The following NRG4 variants were observed in gnomAD, a reference collection of about 807,000 sequenced individuals.
NRG4 encodes neuregulin 4.
In NRG4, 10 loss-of-function variants were observed where a neutral mutation model predicts 15.0. The observed-to-expected ratio is 0.67, with a 90% confidence interval of 0.41 to 1.13. NRG4 has a LOEUF of 1.13. Among genes scored for constraint, NRG4 ranks in the 50% most tolerant of loss-of-function variants. The pLI, the probability that NRG4 is intolerant of heterozygous loss-of-function variation, is 0.00. For synonymous variants in NRG4, 41 were observed against 50.1 expected (o/e 0.82, Z 0.77); for missense variants, 139 against 140.2 (o/e 0.99, Z 0.04).
At chr15:75,986,318 A>T (rs776658178) in intron 3 of NRG4, among the ~76,000 whole-genome samples, 1 of 152,196 alleles carries the variant, frequency 6.6e-6, no homozygotes, top group Non-Finnish European at 1.5e-5. Context: ...CCTTTGACCC[A>T]GCCAAATTCT....
At chr15:75,985,382 C>T (rs1044669639) in intron 3 of NRG4, among the ~76,000 whole-genome samples, 1 of 152,178 alleles carries the variant, frequency 6.6e-6, no homozygotes, top group Non-Finnish European at 1.5e-5. Context: ...AGCCTAATTC[C>T]TCTAGTAATG....
rs569360320 is a variant in NRG4 at position 76,039,790 on chromosome 15, C to T, written c.-104-3799G>A. Reference sequence around the variant, plus strand: ...GTGCGGTGGCTAACACCTGTAATCCCAGCACTTTGGGAGGCTAAAGCCTCC... The same window carrying T: ...GTGCGGTGGCTAACACCTGTAATCCTAGCACTTTGGGAGGCTAAAGCCTCC... On this transcript the variant is annotated intron_variant, in intron 4 of 8. Transcript: ENST00000563910. 2.0e-5 allele frequency among the ~76,000 whole-genome samples: 3 copies of T among 152,232 alleles called. No homozygotes were observed. The South Asian group carries it at 6.2e-4, about 32-fold the overall frequency.
At chr15:76,056,241 A>G (rs1174832812) in intron 2 of NRG4, among the ~76,000 whole-genome samples, 1 of 152,142 alleles carries the variant, frequency 6.6e-6, no homozygotes, top group Non-Finnish European at 1.5e-5. Context: ...TCAGGTCAGG[A>G]GTTCGAGACC....
At chr15:75,970,405 CTTTGT>C (rs1483895998) in intron 3 of NRG4, among the ~76,000 whole-genome samples, 4 of 152,182 alleles carry the variant, frequency 2.6e-5, no homozygotes, top group Admixed American at 6.5e-5. Flanking sequence ...AGATTTCAGT[CTTTGT>C]TTTATCACCT....
intron 4 of NRG4, among the ~76,000 whole-genome samples, chr15:76,041,373 G>A (rs187758917): frequency 2.5e-4 from 38 of 150,800 alleles, no homozygotes; most frequent in Admixed American, 2.0e-3. Context: ...TGGCTGAATG[G>A]ATAAGAAAAC....
chr15:76,055,031 G>T (rs888105692), intron 2 of NRG4, among the ~76,000 whole-genome samples: 1 of 115,672 alleles, frequency 8.6e-6, no homozygotes, highest in African/African-American at 2.7e-5. Context: ...TATAATCCCA[G>T]CACTTTGGGA....
chr15:75,961,192 A>G lies in NRG4; in HGVS notation c.251+636T>C, dbSNP rs143135340. The stretch of plus-strand genomic sequence containing the variant: ...ATAACTCCTGGACTTACTAAATTCT[A>G]TATTTACTTTTACAAAATTTCAAAA... On this transcript the variant is annotated intron_variant, in intron 4 of 5. Coordinates refer to ENST00000394907, the MANE Select transcript of NRG4 (RefSeq NM_138573.4). 5.4e-3 allele frequency among the ~76,000 whole-genome samples: 817 copies of G among 152,276 alleles called. 10 individuals are homozygous for G. Among genetic ancestry groups the G allele is most frequent in the African/African-American group, 0.019 (774 of 41,556 alleles).
At chr15:75,998,156 A>T (rs1447733202) in intron 3 of NRG4, among the ~76,000 whole-genome samples, 1 of 152,216 alleles carries the variant, frequency 6.6e-6, no homozygotes, top group East Asian at 1.9e-4. Flanking sequence ...CACTCAACAG[A>T]TACTTACCGA....
intron 3 of NRG4, among the ~76,000 whole-genome samples, chr15:75,979,639 ATCAT>A (rs1206183341): frequency 6.6e-6 from 1 of 152,184 alleles, no homozygotes; most frequent in East Asian, 1.9e-4. Context: ...GTAAACAATG[ATCAT>A]TCATTGTTCA....
At chr15:76,002,259 T>C (rs1382960465) in intron 3 of NRG4, among the ~76,000 whole-genome samples, 2 of 152,118 alleles carry the variant, frequency 1.3e-5, no homozygotes, top group South Asian at 2.1e-4. Context: ...ACGTACTAAT[T>C]GAGGGTAGAC....
intron 3 of NRG4, among the ~76,000 whole-genome samples, chr15:75,965,716 T>C (rs1435819043): frequency 2.0e-5 from 3 of 152,240 alleles, no homozygotes; most frequent in Non-Finnish European, 4.4e-5. Context: ...TATGACTTCA[T>C]TGATGATACA....
Position 76,044,142 on chromosome 15 carries a change from C to A in NRG4, c.-105+7925G>T, listed in dbSNP as rs1043588160. Among the ~76,000 whole-genome samples, 4 of 151,506 alleles carry A rather than the reference C, an allele frequency of 2.6e-5. No individual in the cohort carries two copies. In the East Asian group the frequency reaches 7.7e-4, roughly 29 times the overall value. On this transcript the variant is annotated intron_variant, in intron 4 of 8. Coordinates refer to the NRG4 transcript ENST00000563910. The stretch of plus-strand genomic sequence containing the variant: ...CCTCCCGAGTAGCTGGGACTACAAG[C>A]GCCCGCCACCGCGCCCGGCTAATTT...
At chr15:75,989,031 A>AT (rs1019587875) in intron 3 of NRG4, among the ~76,000 whole-genome samples, 3 of 151,380 alleles carry the variant, frequency 2.0e-5, no homozygotes, top group African/African-American at 7.3e-5. Context: ...TAATTTTTAA[A>AT]TTTTTTTGTA....
chr15:75,991,244 A>G (rs557755134), intron 3 of NRG4, among the ~76,000 whole-genome samples: 9 of 152,350 alleles, frequency 5.9e-5, no homozygotes, highest in African/African-American at 1.9e-4. Flanking sequence ...GTGTGAAAGC[A>G]GGCATTGATG....
chr15:76,040,953 A>G (rs1474439148), intron 4 of NRG4, among the ~76,000 whole-genome samples: 1 of 152,210 alleles, frequency 6.6e-6, no homozygotes, highest in African/African-American at 2.4e-5. Context: ...TAACTACAAC[A>G]ACTTTTCAAA....
At chr15:75,944,842 T>C (rs1455343307) in intron 5 of NRG4, among the ~76,000 whole-genome samples, 2 of 152,098 alleles carry the variant, frequency 1.3e-5, no homozygotes, top group African/African-American at 4.8e-5. Context: ...GAAAAAACGG[T>C]CAAATGAACT....
intron 3 of NRG4, among the ~76,000 whole-genome samples, chr15:75,982,643 A>G (rs79511792): frequency 0.017 from 2,542 of 152,346 alleles, 68 homozygotes; most frequent in African/African-American, 0.057. Context: ...AGGAAGTACA[A>G]GTAAATTCCT....
intron 4 of NRG4, among the ~76,000 whole-genome samples, chr15:76,036,731 A>G (rs1261431306): frequency 6.6e-6 from 1 of 152,202 alleles, no homozygotes; most frequent in Admixed American, 6.5e-5. Context: ...GCTAGCTATT[A>G]TCATCACTCT....
chr15:76,048,945 T>C (rs1212973002), intron 4 of NRG4, among the ~76,000 whole-genome samples: 4 of 150,404 alleles, frequency 2.7e-5, no homozygotes, highest in African/African-American at 1.0e-4. Context: ...CTCAGGAGGC[T>C]GAGGCAGGAG....
Sources: gnomAD v4.1 joint callset for allele counts (sites outside exome capture counted in the v4.1 genomes callset) on GRCh38, gnomAD v4.1.1 for gene constraint, MANE v1.5 for transcripts, NCBI Gene and HGNC (gene_info 2026-07-23, HGNC 2026-07-21) for gene names.